The following NFIA variants were observed in gnomAD, a reference collection of about 807,000 sequenced individuals.
NFIA encodes nuclear factor I A, also known as nuclear factor 1 A-type.
Under a neutral mutation model 62.8 loss-of-function variants are expected in NFIA, and 8 were observed. The ratio of observed to expected loss-of-function variants is 0.13; its 90% CI spans 0.07 to 0.23. NFIA has a LOEUF of 0.23. NFIA is among the 10% of genes least tolerant of loss of function. The pLI is 1.00. For missense variants in NFIA, 410 were observed against 642.1 expected (o/e 0.64, Z 3.91); for synonymous variants, 235 against 238.1 (o/e 0.99, Z 0.12).
intron 2 of NFIA, among the ~76,000 whole-genome samples, chr1:61,093,394 T>C (rs1205851724): frequency 6.6e-6 from 1 of 152,044 alleles, no homozygotes; most frequent in Non-Finnish European, 1.5e-5. Context: ...TACAGTGATA[T>C]TTAAATTAGG....
intron 3 of NFIA, among the ~76,000 whole-genome samples, chr1:61,314,288 C>G (rs1242800298): frequency 6.6e-6 from 1 of 152,154 alleles, no homozygotes; most frequent in Non-Finnish European, 1.5e-5. Flanking sequence ...CCTCTGTTGG[C>G]CTGCCTCCCC....
chr1:61,122,576 T>C (rs1451577025), intron 2 of NFIA, among the ~76,000 whole-genome samples: 3 of 152,158 alleles, frequency 2.0e-5, no homozygotes, highest in Admixed American at 2.0e-4. Flanking sequence ...ACACCTTTCT[T>C]TAAATATTTT....
intron 10 of NFIA, among the ~76,000 whole-genome samples, chr1:61,437,221 T>C (rs1049350934): frequency 6.6e-6 from 1 of 152,208 alleles, no homozygotes; most frequent in African/African-American, 2.4e-5. Flanking sequence ...ATACAGCTTC[T>C]GCCCCTCTCA....
At chr1:61,143,268 G>T (rs1248967656) in intron 2 of NFIA, among the ~76,000 whole-genome samples, 1 of 152,174 alleles carries the variant, frequency 6.6e-6, no homozygotes, top group Non-Finnish European at 1.5e-5. Context: ...ACTGTTTGCT[G>T]AAGAACAAGA....
intron 2 of NFIA, among the ~76,000 whole-genome samples, chr1:61,184,970 T>A (rs950945530): frequency 3.3e-5 from 5 of 152,254 alleles, no homozygotes; most frequent in Admixed American, 6.5e-5. Flanking sequence ...TCCATCTCTG[T>A]GTCTGAGCAG....
chr1:61,416,299 A>G (rs1406906113), intron 9 of NFIA, among the ~76,000 whole-genome samples: 1 of 152,178 alleles, frequency 6.6e-6, no homozygotes, highest in Non-Finnish European at 1.5e-5. Context: ...TCTTGTTTAT[A>G]CTAAAATGAT....
intron 9 of NFIA, among the ~76,000 whole-genome samples, chr1:61,409,218 A>G (rs1366514148): frequency 6.6e-6 from 1 of 152,218 alleles, no homozygotes; most frequent in African/African-American, 2.4e-5. Context: ...AGATAATTTG[A>G]TACTTACTTT....
At chr1:61,188,156 T>A (rs1284948034) in intron 2 of NFIA, among the ~76,000 whole-genome samples, 1 of 152,112 alleles carries the variant, frequency 6.6e-6, no homozygotes, top group Non-Finnish European at 1.5e-5. Context: ...CAAGTGATTC[T>A]CCTGCCTCAG....
intron 7 of NFIA, among the ~76,000 whole-genome samples, chr1:61,392,492 C>G (rs1415123799): frequency 6.6e-6 from 1 of 151,954 alleles, no homozygotes; most frequent in Non-Finnish European, 1.5e-5. Context: ...GTGGAACTAT[C>G]CTAAATTAAC....
In NFIA at chr1:61,303,897, T is replaced by C. The variant is rs894031491; in HGVS notation, c.625+26312T>C. On this transcript the variant is annotated intron_variant, in intron 3 of 10. Transcript: ENST00000403491. ...GAATAGGAGAAACAAAATCTCTTTA[T>C]GCTGTTCCGAGTACACTGTAGGAGA... 2.6e-5 allele frequency among the ~76,000 whole-genome samples: 4 copies of C among 152,308 alleles called. No homozygotes were observed. In the South Asian group the frequency reaches 8.3e-4, roughly 32 times the overall value.
At chr1:61,084,036 T>C (rs1321412483) in intron 1 of NFIA, among the ~76,000 whole-genome samples, 1 of 152,226 alleles carries the variant, frequency 6.6e-6, no homozygotes, top group Non-Finnish European at 1.5e-5. Flanking sequence ...TGCGCTATTT[T>C]TTTTTTAAGC....
intron 2 of NFIA, among the ~76,000 whole-genome samples, chr1:61,252,901 CT>C (rs374722779): frequency 6.6e-6 from 1 of 152,260 alleles, no homozygotes; most frequent in East Asian, 1.9e-4. Flanking sequence ...TATTCCTACT[CT>C]TTACAGAGTT....
chr1:61,428,397 T>A (rs1666960637), intron 10 of NFIA, among the ~76,000 whole-genome samples: 1 of 151,550 alleles, frequency 6.6e-6, no homozygotes, highest in African/African-American at 2.4e-5. Flanking sequence ...TTTTTTTTTT[T>A]TTTGGTTTCT....
intron 2 of NFIA, among the ~76,000 whole-genome samples, chr1:61,196,910 TG>T (rs1652043220): frequency 1.1e-4 from 7 of 62,294 alleles, no homozygotes; most frequent in Non-Finnish European, 1.6e-4. Flanking sequence ...TGTGTGTGTG[TG>T]TGTGTGTGTG....
At position 61,415,424 on chromosome 1, in the gene NFIA, T is replaced by G. The variant is rs1203274378; in HGVS notation, c.1420+8697T>G. Among the ~76,000 whole-genome samples, 3 of 152,232 alleles carry G rather than the reference T, an allele frequency of 2.0e-5. No homozygotes were observed. The South Asian group carries it at 6.2e-4, about 32-fold the overall frequency. On this transcript the variant is annotated intron_variant, in intron 9 of 10. Transcript: ENST00000403491. ...AAAACACAAAAGATAGAAAAAAAAT[T>G]GTAACAGACGTGACAGGGCTAAATT...
At chr1:61,415,570 A>G (rs566137657) in intron 9 of NFIA, among the ~76,000 whole-genome samples, 138 of 152,308 alleles carry the variant, frequency 9.1e-4, no homozygotes, top group African/African-American at 3.2e-3. Context: ...TTCATGTATC[A>G]TGAGAGCAAT....
At chr1:61,136,341 C>A (rs1647189856) in intron 2 of NFIA, among the ~76,000 whole-genome samples, 1 of 152,282 alleles carries the variant, frequency 6.6e-6, no homozygotes, top group South Asian at 2.1e-4. Flanking sequence ...TTTAGGTCCT[C>A]ATTAAAGTCC....
intron 2 of NFIA, among the ~76,000 whole-genome samples, chr1:61,091,082 C>T (rs993547419): frequency 2.6e-5 from 4 of 152,216 alleles, no homozygotes; most frequent in African/African-American, 9.6e-5. Flanking sequence ...GACTCTGAAA[C>T]GTGCTTCAAG....
At chr1:61,176,256 G>A (rs908701334) in intron 2 of NFIA, among the ~76,000 whole-genome samples, 25 of 152,260 alleles carry the variant, frequency 1.6e-4, no homozygotes, top group African/African-American at 4.8e-4. Flanking sequence ...ATCTTTTACC[G>A]GGTGATAATT....
Sources: gnomAD v4.1 joint callset for allele counts (sites outside exome capture counted in the v4.1 genomes callset) on GRCh38, gnomAD v4.1.1 for gene constraint, MANE v1.5 for transcripts, NCBI Gene and HGNC (gene_info 2026-07-23, HGNC 2026-07-21) for gene names.